The following PLD1 variants were observed in gnomAD, a reference collection of about 807,000 sequenced individuals.
PLD1 encodes the protein choline phosphatase 1.
In PLD1, 112 loss-of-function variants were observed where a neutral mutation model predicts 137.1. The ratio of observed to expected loss-of-function variants is 0.82; its 90% CI spans 0.70 to 0.96. The LOEUF (loss-of-function observed/expected upper bound fraction) is 0.96, where lower values mean the gene tolerates loss of function less well. Among genes scored for constraint, PLD1 ranks in the 40% least tolerant of loss-of-function variants. The pLI is 0.00. For synonymous variants in PLD1, 431 were observed against 454.7 expected, an observed-to-expected ratio of 0.95 and a Z score of 0.66; for missense variants, 1,321 against 1,342.0, an observed-to-expected ratio of 0.98 and a Z score of 0.24.
intron 12 of PLD1, among the ~76,000 whole-genome samples, chr3:171,697,814 C>T (rs1020177780): frequency 7.2e-5 from 11 of 152,280 alleles, no homozygotes; most frequent in African/African-American, 2.6e-4. Flanking sequence ...GCCATTAAAT[C>T]GGGGCATTGT....
At chr3:171,793,686 G>A (rs1387231537) in intron 1 of PLD1, 1 of 152,220 alleles carries the variant, frequency 6.6e-6, no homozygotes, top group Non-Finnish European at 1.5e-5. Context: ...GACTGGCAAT[G>A]CTGGCAGGAT....
intron 21 of PLD1, chr3:171,654,003 C>T (rs1052203939): frequency 7.0e-6 from 2 of 285,954 alleles, no homozygotes; most frequent in Non-Finnish European, 1.4e-5. Flanking sequence ...CCATACCACC[C>T]ACTTACAGGC....
chr3:171,743,652 C>G (rs1719936154), intron 1 of PLD1, among the ~76,000 whole-genome samples: 1 of 152,192 alleles, frequency 6.6e-6, no homozygotes, highest in Non-Finnish European at 1.5e-5. Flanking sequence ...TATGAACCCA[C>G]AACCCCAGAA....
At chr3:171,752,632 C>T (rs1207932451) in intron 1 of PLD1, among the ~76,000 whole-genome samples, 2 of 152,138 alleles carry the variant, frequency 1.3e-5, no homozygotes, top group Admixed American at 6.5e-5. Context: ...AATATCTTGC[C>T]ATCTCTGAAA....
intron 25 of PLD1, among the ~76,000 whole-genome samples, chr3:171,606,207 A>G (rs528662107): frequency 1.6e-4 from 24 of 152,316 alleles, no homozygotes; most frequent in African/African-American, 5.5e-4. Flanking sequence ...AGATGACTAC[A>G]AGGTTTTTGT....
chr3:171,738,866 A>G (rs1719574346), intron 1 of PLD1, among the ~76,000 whole-genome samples: 1 of 152,220 alleles, frequency 6.6e-6, no homozygotes, highest in Admixed American at 6.5e-5. Context: ...TAAAATATTG[A>G]GATTCAAGCT....
At chr3:171,779,576 G>GTTTGAGGC (rs1197715264) in intron 1 of PLD1, among the ~76,000 whole-genome samples, 1 of 152,222 alleles carries the variant, frequency 6.6e-6, no homozygotes. Flanking sequence ...GGATACCTAA[G>GTTTGAGGC]TTTGAGGCTT....
At chr3:171,801,671 T>C (rs1723651849) in intron 1 of PLD1, among the ~76,000 whole-genome samples, 1 of 152,164 alleles carries the variant, frequency 6.6e-6, no homozygotes, top group Non-Finnish European at 1.5e-5. Context: ...TCAAGTGATC[T>C]ACCTGCCTCA....
At position 171,726,055 on chromosome 3, in the gene PLD1, G is replaced by A. The variant is rs748966003; in HGVS notation, c.628C>T (p.Gln210Ter). 6.2e-7 allele frequency: 1 copy of A among 1,612,398 alleles called. No individual in the cohort carries two copies. Among genetic ancestry groups the A allele is most frequent in the Non-Finnish European group, 8.5e-7 (1 of 1,178,532 alleles). The change falls in exon 7 of 27, where the codon CAG becomes TAG. Residue 210 changes from glutamine to a stop codon, truncating the protein, a stop_gained. Coordinates refer to ENST00000351298, the MANE Select transcript of PLD1 (RefSeq NM_002662.5). LOFTEE classifies it high-confidence loss of function. ...CCCAAATCATGGATGAAAGACAGCTGGCTTATATCAAGAAACTCTGTCTGA... is the reference window on the plus strand; with the variant it reads ...CCCAAATCATGGATGAAAGACAGCTAGCTTATATCAAGAAACTCTGTCTGA... Reference protein sequence around the residue: ...HATTEFLDISQLSFIHDLGPK... With the variant: ...HATTEFLDIS
At chr3:171,721,342 G>C (rs1239045220) in intron 8 of PLD1, 2 of 152,444 alleles carry the variant, frequency 1.3e-5, no homozygotes, top group African/African-American at 4.8e-5. Context: ...GCCACAGAGA[G>C]TGTATTTTCA....
intron 1 of PLD1, among the ~76,000 whole-genome samples, chr3:171,806,084 G>A (rs1295546389): frequency 3.3e-5 from 5 of 152,150 alleles, no homozygotes; most frequent in African/African-American, 1.2e-4. Flanking sequence ...TACTTTACAG[G>A]GTTGTTCTGA....
At chr3:171,800,757 G>T (rs1011470991) in intron 1 of PLD1, among the ~76,000 whole-genome samples, 1 of 152,152 alleles carries the variant, frequency 6.6e-6, no homozygotes, top group Non-Finnish European at 1.5e-5. Context: ...CCAAGATCAA[G>T]GTGCTTGCAG....
intron 24 of PLD1, among the ~76,000 whole-genome samples, chr3:171,619,933 A>AT (rs1560149796): frequency 6.6e-6 from 1 of 152,072 alleles, no homozygotes; most frequent in African/African-American, 2.4e-5. Flanking sequence ...TAAAAAAAAA[A>AT]GGGAGTAATA....
At chr3:171,808,968 G>C (rs1723996006) in intron 1 of PLD1, among the ~76,000 whole-genome samples, 1 of 151,930 alleles carries the variant, frequency 6.6e-6, no homozygotes, top group Non-Finnish European at 1.5e-5. Context: ...GGGATTACAG[G>C]CGTGTGCCAC....
At chr3:171,683,857 T>G (rs982160176) in intron 16 of PLD1, among the ~76,000 whole-genome samples, 2 of 152,222 alleles carry the variant, frequency 1.3e-5, no homozygotes, top group Non-Finnish European at 2.9e-5. Flanking sequence ...ATTAAATAAA[T>G]AAATCTTCTA....
At chr3:171,751,782 C>T (rs1418360001) in intron 1 of PLD1, among the ~76,000 whole-genome samples, 4 of 152,134 alleles carry the variant, frequency 2.6e-5, no homozygotes, top group Non-Finnish European at 4.4e-5. Flanking sequence ...AGGCGGATCA[C>T]GAGGTCAGGA....
intron 11 of PLD1, among the ~76,000 whole-genome samples, chr3:171,700,834 T>C (rs1044592966): frequency 6.6e-6 from 1 of 152,134 alleles, no homozygotes; most frequent in African/African-American, 2.4e-5. Flanking sequence ...AAGAGTACAA[T>C]AGAGTCATTT....
intron 1 of PLD1, among the ~76,000 whole-genome samples, chr3:171,747,673 A>G (rs559555944): frequency 6.6e-6 from 1 of 152,282 alleles, no homozygotes; most frequent in East Asian, 1.9e-4. Context: ...TAATTTTTAA[A>G]AAGCAGACTT....
chr3:171,733,195 A>T (rs968083473), intron 6 of PLD1, among the ~76,000 whole-genome samples: 1 of 152,244 alleles, frequency 6.6e-6, no homozygotes, highest in African/African-American at 2.4e-5. Context: ...CTATAGCAGG[A>T]TTTCAAGTTC....
Sources: allele counts gnomAD v4.1 joint callset (sites outside exome capture counted in the v4.1 genomes callset), GRCh38; gene constraint gnomAD v4.1.1; transcripts MANE v1.5; gene names NCBI Gene and HGNC (gene_info 2026-07-23, HGNC 2026-07-21).